The following AGTPBP1 variants were observed in gnomAD, a reference collection of about 807,000 sequenced individuals.
AGTPBP1 encodes cytosolic carboxypeptidase 1.
AGTPBP1 carries 70 observed loss-of-function variants against 143.9 expected under a neutral mutation model. That is an observed-to-expected ratio of 0.49 (90% CI 0.40 to 0.59). The LOEUF is 0.59. Among genes scored for constraint, AGTPBP1 ranks in the 20% least tolerant of loss-of-function variants. AGTPBP1 has a pLI of 0.00. For synonymous variants in AGTPBP1, 463 were observed against 500.2 expected, an observed-to-expected ratio of 0.93 and a Z score of 0.99; for missense variants, 1,229 against 1,464.5, an observed-to-expected ratio of 0.84 and a Z score of 2.62.
At chr9:85,584,802 C>T (rs751427340) in intron 23 of AGTPBP1, among the ~76,000 whole-genome samples, 1 of 152,158 alleles carries the variant, frequency 6.6e-6, no homozygotes, top group Non-Finnish European at 1.5e-5. Flanking sequence ...ATCTAACAAA[C>T]ATTTCACACC....
At chr9:85,625,086 T>C (rs894853185) in intron 14 of AGTPBP1, among the ~76,000 whole-genome samples, 2 of 152,218 alleles carry the variant, frequency 1.3e-5, no homozygotes, top group Non-Finnish European at 2.9e-5. Context: ...ATGAAAAACT[T>C]TGAATGCCAC....
chr9:85,678,324 CA>C lies in AGTPBP1; in HGVS notation c.289+10del. On this transcript the variant is annotated intron_variant, in intron 5 of 25. Coordinates refer to ENST00000357081, the MANE Select transcript of AGTPBP1 (RefSeq NM_001330701.2). ...AGAAACAGAAATTAGACCAAAGAAA[CA>C]AAAACTTACCAGCTGACACCAGCTC... The C allele has an allele frequency of 1.3e-6, 2 of 1,581,214 alleles. No individual in the cohort carries two copies. The highest frequency in any genetic ancestry group is 1.7e-6 in the Non-Finnish European group (2 of 1,159,378).
chr9:85,753,462 T>G, the AGTPBP1 span: 1 of 1,609,728 alleles, frequency 6.2e-7, no homozygotes, highest in Non-Finnish European at 8.5e-7. Flanking sequence ...CTCTTCAATC[T>G]GATGGTTGTC....
At chr9:85,696,591 C>G (rs1281834862) in intron 2 of AGTPBP1, among the ~76,000 whole-genome samples, 1 of 151,942 alleles carries the variant, frequency 6.6e-6, no homozygotes, top group Admixed American at 6.6e-5. Context: ...TTGCTTGAAC[C>G]CGGGAGGTGG....
the AGTPBP1 span, among the ~76,000 whole-genome samples, chr9:85,781,572 A>G: frequency 6.6e-6 from 1 of 152,242 alleles, no homozygotes; most frequent in Non-Finnish European, 1.5e-5. Context: ...GAAATGATCA[A>G]TTATTGATTG....
In AGTPBP1 at chr9:85,741,840, A is replaced by G; in HGVS notation, c.-99T>C. 7.1e-7 allele frequency: 1 copy of G among 1,402,500 alleles called. No individual in the cohort carries two copies. The highest frequency in any genetic ancestry group is 9.3e-7 in the Non-Finnish European group (1 of 1,079,642). The allele number at this position is 1,402,500 out of a possible 1,614,324, so 86.9% of individuals were successfully genotyped here. A position where few individuals can be genotyped will look rare whatever the true frequency, so the allele number is the denominator to read the frequency against. On this transcript the variant is annotated 5_prime_UTR_variant, in exon 1 of 26. Transcript: ENST00000357081. ...CAGCACCCGGCTCAGCACCTGGATC[A>G]CGGCGGATCCCTCGCCGCCCGCCGC...
At chr9:85,574,376 T>C (rs1167420176) in intron 25 of AGTPBP1, among the ~76,000 whole-genome samples, 1 of 151,768 alleles carries the variant, frequency 6.6e-6, no homozygotes, top group East Asian at 1.9e-4. Context: ...CAGAAACCCT[T>C]GTTCACTTGT....
chr9:85,638,987 T>A (rs1044824553), intron 13 of AGTPBP1, among the ~76,000 whole-genome samples: 1 of 152,068 alleles, frequency 6.6e-6, no homozygotes, highest in Non-Finnish European at 1.5e-5. Flanking sequence ...AATAGACAAC[T>A]GTGACTAACG....
intron 17 of AGTPBP1, among the ~76,000 whole-genome samples, chr9:85,616,941 A>G (rs1830635048): frequency 6.6e-6 from 1 of 152,084 alleles, no homozygotes; most frequent in South Asian, 2.1e-4. Context: ...TAAAAGAATA[A>G]ACACTTAAAA....
At position 85,554,462 on chromosome 9, in the gene AGTPBP1, G is replaced by A. The variant is rs145294718; in HGVS notation, c.3504-7176C>T. Among the ~76,000 whole-genome samples the A allele has an allele frequency of 8.6e-3, 1,303 of 152,294 alleles. 10 individuals carry two copies. The highest frequency in any genetic ancestry group is 0.015 in the Non-Finnish European group (1,000 of 68,020). The stretch of plus-strand genomic sequence containing the variant: ...GGTAGTCCTGTGGTGCTGGGGAGAG[G>A]AGGAGCCTAGGCCTTCAGTTGTGAC... On this transcript the variant is annotated intron_variant, in intron 25 of 25. Transcript: ENST00000357081.
At chr9:85,804,484 T>C in the AGTPBP1 span, among the ~76,000 whole-genome samples, 1 of 152,200 alleles carries the variant, frequency 6.6e-6, no homozygotes, top group South Asian at 2.1e-4. Context: ...TCATGGTTTG[T>C]CTTTTATTGT....
At chr9:85,644,574 A>G (rs573275932) in intron 12 of AGTPBP1, among the ~76,000 whole-genome samples, 6 of 152,232 alleles carry the variant, frequency 3.9e-5, no homozygotes, top group Admixed American at 3.3e-4. Context: ...GACTCATTAG[A>G]AAAAAACAAA....
At position 85,734,845 on chromosome 9, in the gene AGTPBP1, A is replaced by G. The variant is rs1007721056; in HGVS notation, c.-34+6930T>C. Among the ~76,000 whole-genome samples the G allele has an allele frequency of 1.1e-4, 16 of 152,278 alleles. No individual in the cohort carries two copies. In the South Asian group the frequency reaches 2.3e-3, roughly 22 times the overall value. ...TCAGGAGACAGGGACCATCCTGGTTAATACGGTAGAACCCCGTCTCTACTA... is the reference window on the plus strand; with the variant it reads ...TCAGGAGACAGGGACCATCCTGGTTGATACGGTAGAACCCCGTCTCTACTA... On this transcript the variant is annotated intron_variant, in intron 1 of 25. Coordinates refer to ENST00000357081, the MANE Select transcript of AGTPBP1 (RefSeq NM_001330701.2).
At chr9:85,764,962 G>C in the AGTPBP1 span, 1 of 787,292 alleles carries the variant, frequency 1.3e-6, no homozygotes, top group South Asian at 1.4e-5. Context: ...GGTGCTGTAT[G>C]ATGGATCACT....
the AGTPBP1 span, among the ~76,000 whole-genome samples, chr9:85,779,218 G>GATATAGAT: frequency 1.0e-5 from 1 of 99,978 alleles, no homozygotes; most frequent in Non-Finnish European, 2.1e-5. Flanking sequence ...TATAGATATA[G>GATATAGAT]ATATAGATAT....
rs181448900 is a variant in AGTPBP1 at position 85,578,566 on chromosome 9, A to G, written c.3342+354T>C. Reference sequence around the variant, plus strand: ...ATGTATTTTAAATGTAAAAAAATTTATATCCAATAAATTAAAACAATAGAA... The same window carrying G: ...ATGTATTTTAAATGTAAAAAAATTTGTATCCAATAAATTAAAACAATAGAA... On this transcript the variant is annotated intron_variant, in intron 24 of 25. Transcript: ENST00000357081. 7.9e-5 allele frequency among the ~76,000 whole-genome samples: 12 copies of G among 152,326 alleles called. No homozygotes were observed. The East Asian group carries it at 2.3e-3, about 29-fold the overall frequency.
At chr9:85,773,926 G>A in the AGTPBP1 span, 10 of 1,601,432 alleles carry the variant, frequency 6.2e-6, no homozygotes, top group East Asian at 4.5e-5. Flanking sequence ...AATATGGTTC[G>A]TGAATTAGAA....
At position 85,640,045 on chromosome 9, in the gene AGTPBP1, A is replaced by T. The variant is rs1587804986; in HGVS notation, c.1302+2782T>A. ...CTTAAGCATTAATGGTTGATGCTGA[A>T]AATAATATACAAATGAAAGTGGAAA... On this transcript the variant is annotated intron_variant, in intron 13 of 25. Coordinates refer to ENST00000357081, the MANE Select transcript of AGTPBP1 (RefSeq NM_001330701.2). 3.3e-5 allele frequency among the ~76,000 whole-genome samples: 5 copies of T among 152,252 alleles called. No homozygotes were observed. The South Asian group carries it at 1.0e-3, about 31-fold the overall frequency.
chr9:85,669,652 T>G, intron 7 of AGTPBP1, 74 bp from the exon 8 acceptor site: 1 of 920,414 alleles, frequency 1.1e-6, no homozygotes, highest in East Asian at 2.5e-5. Context: ...TAGTGATACA[T>G]AGGCAAAAAC....
Sources: allele counts gnomAD v4.1 joint callset (sites outside exome capture counted in the v4.1 genomes callset), GRCh38; gene constraint gnomAD v4.1.1; transcripts MANE v1.5; gene names NCBI Gene and HGNC (gene_info 2026-07-23, HGNC 2026-07-21).